LINGO3: variants seen among roughly 807,000 people sequenced by gnomAD.
LINGO3 encodes the protein leucine rich repeat and Ig domain containing 3.
For synonymous variants in LINGO3, 427 were observed against 444.2 expected (o/e 0.96, Z 0.49); for missense variants, 750 against 867.7 (o/e 0.86, Z 1.70).
At chr19:2,295,076 C>A (rs2145091435), upstream of LINGO3, among the ~76,000 whole-genome samples, 1 of 152,316 alleles carries the variant, frequency 6.6e-6, no homozygotes, top group Admixed American at 6.5e-5. Flanking sequence ...CGAATTTAAT[C>A]CCAGAGCGAA....
upstream of LINGO3, among the ~76,000 whole-genome samples, chr19:2,294,893 C>A (rs1040505456): frequency 2.0e-5 from 3 of 152,110 alleles, no homozygotes; most frequent in Non-Finnish European, 2.9e-5. This position sits in a 1 kb window ranked among gnomAD's most constrained non-coding sequence, Gnocchi z 4.3. Context: ...TTGGCCGCCT[C>A]CCCCGCCAGC....
chr19:2,292,759 G>C (rs950559255), upstream of LINGO3, among the ~76,000 whole-genome samples: 4 of 152,078 alleles, frequency 2.6e-5, no homozygotes, highest in African/African-American at 9.7e-5. Context: ...CAAAGTGCTG[G>C]GATTACAGGT....
rs747714327 is a variant in LINGO3, at chr19:2,290,755, A to G, written c.1022T>C (p.Val341Ala). The change falls in exon 1 of 1, where the codon GTG becomes GCG. Residue 341 changes from valine (V) to alanine (A), a missense_variant. Transcript: ENST00000585527. This position sits in a 1 kb window ranked among gnomAD's most constrained non-coding sequence, Gnocchi z 6.0. ...CACGCGCAGCGTCTCTAGCGTGTTC[A>G]CCGAGTGGAAGGTGCTCTCCTCCAA... 1 of 1,612,840 alleles carries G rather than the reference A, an allele frequency of 6.2e-7. No individual in the cohort carries two copies. The highest frequency in any genetic ancestry group is 1.1e-5 in the South Asian group (1 of 91,064).
chr19:2,290,214 C>T lies in LINGO3; in HGVS notation c.1563G>A (p.Pro521=), dbSNP rs751953704. The T allele has an allele frequency of 1.9e-6, 3 of 1,607,822 alleles. No individual in the cohort carries two copies. The highest frequency in any genetic ancestry group is 1.1e-5 in the South Asian group (1 of 90,872). The change falls in exon 1 of 1, where the codon CCG becomes CCA. Residue 521 remains proline, a synonymous_variant. Transcript: ENST00000585527. The surrounding 1 kb of genome is among the most constrained non-coding windows in gnomAD (Gnocchi z 6.0). Reference sequence around the variant, plus strand: ...ACACCAGGATGGTGGTGAGGTCGAGCGGCGCGCGCAGGGCCGCCAGCGTCT... The same window carrying T: ...ACACCAGGATGGTGGTGAGGTCGAGTGGCGCGCGCAGGGCCGCCAGCGTCT...
the LINGO3 span, among the ~76,000 whole-genome samples, chr19:2,301,913 G>A: frequency 9.1e-5 from 12 of 131,272 alleles, no homozygotes; most frequent in Non-Finnish European, 1.4e-4. Context: ...GGGCGACAGA[G>A]CGAGACTCCA....
exon 1 of LINGO3, chr19:2,291,165 C>T: frequency 1.9e-6 from 3 of 1,607,242 alleles, no homozygotes; most frequent in Middle Eastern, 1.7e-4. Context: ...GGTGGCGCAG[C>T]CGCAGGGCGC....
At chr19:2,289,947 G>A (rs1319044084) in exon 1 of LINGO3, 4 of 1,428,598 alleles carry the variant, frequency 2.8e-6, no homozygotes, top group Non-Finnish European at 3.8e-6. Context: ...GTGGACACGC[G>A]AGCGGCCGGC....
upstream of LINGO3, among the ~76,000 whole-genome samples, chr19:2,293,509 G>A (rs189865937): frequency 3.6e-4 from 54 of 151,692 alleles, no homozygotes; most frequent in East Asian, 0.01. Flanking sequence ...ACAGGCACCC[G>A]CCACCATGCC....
the LINGO3 span, among the ~76,000 whole-genome samples, chr19:2,299,208 T>C: frequency 2.0e-5 from 3 of 152,136 alleles, no homozygotes; most frequent in Admixed American, 6.5e-5. Context: ...TCATTTCCTC[T>C]GCAGGGTGCT....
At chr19:2,307,699 C>A in the LINGO3 span, among the ~76,000 whole-genome samples, 1 of 152,194 alleles carries the variant, frequency 6.6e-6, no homozygotes, top group Admixed American at 6.5e-5. Flanking sequence ...CAGGAAGGCG[C>A]GGGCTGCAGG....
At chr19:2,291,714 C>T in exon 1 of LINGO3, 10 of 1,341,682 alleles carry the variant, frequency 7.5e-6, no homozygotes, top group African/African-American at 1.6e-5. Context: ...AGCCTCCAGC[C>T]GGGGGCGGCG....
At chr19:2,305,260 G>A in the LINGO3 span, among the ~76,000 whole-genome samples, 4 of 152,072 alleles carry the variant, frequency 2.6e-5, no homozygotes, top group South Asian at 2.1e-4. Flanking sequence ...TGCAGGCACC[G>A]GCCTTGAGGA....
upstream of LINGO3, among the ~76,000 whole-genome samples, chr19:2,296,486 C>CT (rs1056519628): frequency 1.2e-4 from 18 of 148,572 alleles, no homozygotes; most frequent in South Asian, 8.6e-4. Context: ...TCTTTTGGTT[C>CT]TTTTTTTTTT....
At chr19:2,291,483 G>A (rs780465898) in exon 1 of LINGO3, 9 of 1,612,244 alleles carry the variant, frequency 5.6e-6, no homozygotes, top group Admixed American at 3.3e-5. Context: ...GCAGGTTGGC[G>A]AAGGCGCCGG....
At chr19:2,295,732 C>T (rs959876403), upstream of LINGO3, among the ~76,000 whole-genome samples, 1 of 152,034 alleles carries the variant, frequency 6.6e-6, no homozygotes, top group Non-Finnish European at 1.5e-5. Context: ...GGGGAAACTC[C>T]GTCTCAATAA....
chr19:2,307,164 C>T, the LINGO3 span, among the ~76,000 whole-genome samples: 3 of 152,204 alleles, frequency 2.0e-5, no homozygotes, highest in Non-Finnish European at 4.4e-5. Flanking sequence ...CCGCTCCCCA[C>T]CCCCGCCGGA....
chr19:2,290,902 T>G lies in LINGO3; in HGVS notation c.875A>C (p.Asp292Ala), dbSNP rs1283250210. 6.2e-7 allele frequency: 1 copy of G among 1,611,112 alleles called. No homozygotes were observed. Among genetic ancestry groups the G allele is most frequent in the East Asian group, 2.2e-5 (1 of 44,842 alleles). ...GTGCAGCTCGCGCAGGCGGACCAGG[T>G]CCCGGAACGACCCCCGCGGCACCGT... Residue 292 changes from aspartate to alanine, a missense_variant, in exon 1 of 1, where the codon GAC (aspartate) becomes GCC (alanine). Coordinates refer to ENST00000585527, the Ensembl canonical transcript of LINGO3. This position sits in a 1 kb window ranked among gnomAD's most constrained non-coding sequence, Gnocchi z 6.0.
chr19:2,290,541 C>A lies in LINGO3; in HGVS notation c.1236G>T (p.Arg412=), dbSNP rs1281810443. Residue 412 remains arginine (R), a synonymous_variant, in exon 1 of 1, where the codon CGG becomes CGT. Coordinates refer to ENST00000585527, the Ensembl canonical transcript of LINGO3. The surrounding 1 kb of genome is among the most constrained non-coding windows in gnomAD (Gnocchi z 6.0). ...CGGTGGCCGTGACGCGCTGCAGCCG[C>A]CGCTCCCGGATCTTGGGTTTGCGGC... The A allele has an allele frequency of 6.6e-7, 1 of 1,523,686 alleles. No homozygotes were observed. The highest frequency in any genetic ancestry group is 8.8e-7 in the Non-Finnish European group (1 of 1,140,338). The allele number at this position is 1,523,686 out of a possible 1,614,324, so 94.4% of individuals were successfully genotyped here. A position where few individuals can be genotyped will look rare whatever the true frequency, so the allele number is the denominator to read the frequency against.
In LINGO3 at chr19:2,290,438, G is replaced by C; in HGVS notation, c.1339C>G (p.Arg447Gly). Reference sequence around the variant, plus strand: ...CCCGCGCTGGTGGCCGTCACCGGCCGGTGCTGGGGGGTCACCCAGGCCACG... The same window carrying C: ...CCCGCGCTGGTGGCCGTCACCGGCCCGTGCTGGGGGGTCACCCAGGCCACG... The change falls in exon 1 of 1, where the codon CGG becomes GGG. Residue 447 changes from arginine to glycine, a missense_variant. Arg to Gly is a moderately radical substitution (Grantham distance 125). Transcript: ENST00000585527. The surrounding 1 kb of genome is among the most constrained non-coding windows in gnomAD (Gnocchi z 6.0). 1 of 1,388,444 alleles carries C rather than the reference G, an allele frequency of 7.2e-7. No individual in the cohort carries two copies. The highest frequency in any genetic ancestry group is 1.5e-5 in the African/African-American group (1 of 65,820). The allele number at this position is 1,388,444 out of a possible 1,614,324, so 86.0% of individuals were successfully genotyped here.
Sources: allele counts gnomAD v4.1 joint callset (sites outside exome capture counted in the v4.1 genomes callset), GRCh38; gene constraint gnomAD v4.1.1; non-coding constraint Gnocchi (gnomAD v3.1); transcripts MANE v1.5; gene names NCBI Gene and HGNC (gene_info 2026-07-23, HGNC 2026-07-21).